FGF12: variants seen among roughly 807,000 people sequenced by gnomAD.
The protein encoded by FGF12 is fibroblast growth factor 12B.
Under a neutral mutation model 23.6 loss-of-function variants are expected in FGF12, and 14 were observed. The observed-to-expected ratio is 0.59, with a 90% confidence interval of 0.39 to 0.93. The LOEUF is 0.93. Ranked by LOEUF, FGF12 falls within the 40% of genes least tolerant of loss-of-function variation. The pLI is 0.00. For synonymous variants in FGF12, 62 were observed against 77.3 expected, an observed-to-expected ratio of 0.80 and a Z score of 1.04; for missense variants, 175 against 217.8, an observed-to-expected ratio of 0.80 and a Z score of 1.24.
At position 192,360,695 on chromosome 3, in the gene FGF12, CTT is replaced by C; in HGVS notation, c.14-159_14-158del. 1.9e-5 allele frequency: 10 copies of C among 539,342 alleles called. No homozygotes were observed. The highest frequency in any genetic ancestry group is 3.2e-5 in the Admixed American group (1 of 31,360). The allele number at this position is 539,342 out of a possible 1,614,324, so 33.4% of individuals were successfully genotyped here. The stretch of plus-strand genomic sequence containing the variant: ...TGGGTGTTTCAGTAACATATCTATG[CTT>C]TTTTTTTTCCATTTAGAGGTAGAGC... On this transcript the variant is annotated intron_variant, in intron 2 of 5. Coordinates refer to ENST00000445105, the MANE Select transcript of FGF12 (RefSeq NM_004113.6). This position sits in a 1 kb window ranked among gnomAD's most constrained non-coding sequence, Gnocchi z 4.3.
chr3:192,211,903 G>T (rs1166976753), intron 4 of FGF12, among the ~76,000 whole-genome samples: 1 of 152,076 alleles, frequency 6.6e-6, no homozygotes, highest in East Asian at 1.9e-4. Flanking sequence ...TATTTTAGAA[G>T]AAATAGGAAA....
At chr3:192,442,058 G>A (rs1461713513) in intron 2 of FGF12, among the ~76,000 whole-genome samples, 1 of 152,210 alleles carries the variant, frequency 6.6e-6, no homozygotes, top group African/African-American at 2.4e-5. Context: ...TTAGAGCATT[G>A]TTGAGTGAGA....
intron 2 of FGF12, among the ~76,000 whole-genome samples, chr3:192,609,338 G>A (rs1004713742): frequency 6.6e-5 from 10 of 152,040 alleles, no homozygotes; most frequent in African/African-American, 2.4e-4. Context: ...GCATTTGCAG[G>A]ACTGCTTCTC....
chr3:192,560,160 AT>A (rs1388602718), intron 2 of FGF12, among the ~76,000 whole-genome samples: 6 of 152,104 alleles, frequency 3.9e-5, no homozygotes, highest in Non-Finnish European at 8.8e-5. Context: ...AACAAGGCAC[AT>A]TAGATAATTT....
At chr3:192,193,768 T>G (rs934920737) in intron 4 of FGF12, among the ~76,000 whole-genome samples, 2 of 150,742 alleles carry the variant, frequency 1.3e-5, no homozygotes, top group African/African-American at 4.9e-5. Context: ...ACTGTCTTCT[T>G]TTTTTTTTAA....
chr3:192,200,398 A>C (rs1717304244), intron 4 of FGF12, among the ~76,000 whole-genome samples: 1 of 152,204 alleles, frequency 6.6e-6, no homozygotes, highest in South Asian at 2.1e-4. Context: ...ATAAAATGAG[A>C]ATGCCAATCA....
intron 2 of FGF12, among the ~76,000 whole-genome samples, chr3:192,658,964 G>A (rs1445022484): frequency 1.3e-5 from 2 of 152,144 alleles, no homozygotes; most frequent in African/African-American, 2.4e-5. Context: ...CATGGCCCCT[G>A]CCTTCCAGGG....
At chr3:192,711,554 T>C (rs1323569550) in intron 2 of FGF12, among the ~76,000 whole-genome samples, 1 of 152,196 alleles carries the variant, frequency 6.6e-6, no homozygotes, top group Non-Finnish European at 1.5e-5. Context: ...TTGCTGTGTC[T>C]GTGTAGAAAG....
At chr3:192,577,207 A>T (rs947029913) in intron 2 of FGF12, among the ~76,000 whole-genome samples, 78 of 152,210 alleles carry the variant, frequency 5.1e-4, no homozygotes, top group African/African-American at 1.8e-3. Context: ...AGTGTAATAA[A>T]AAATAAATAA....
intron 2 of FGF12, among the ~76,000 whole-genome samples, chr3:192,669,627 A>AG (rs1717035677): frequency 1.3e-5 from 2 of 150,928 alleles, no homozygotes; most frequent in South Asian, 2.1e-4. Context: ...AAAAAAAAAA[A>AG]AAAAAATTGG....
chr3:192,430,387 C>T (rs143622007), intron 2 of FGF12, among the ~76,000 whole-genome samples: 77 of 152,146 alleles, frequency 5.1e-4, no homozygotes, highest in African/African-American at 1.8e-3. Flanking sequence ...AATAGCTGTT[C>T]GGTGGGTATA....
chr3:192,419,557 T>C (rs148936651), intron 2 of FGF12, among the ~76,000 whole-genome samples: 2 of 152,204 alleles, frequency 1.3e-5, no homozygotes, highest in Non-Finnish European at 2.9e-5. Context: ...AGCAATACCA[T>C]GGGAAGTGGG....
chr3:192,501,444 T>G (rs929700672), intron 2 of FGF12, among the ~76,000 whole-genome samples: 16 of 152,368 alleles, frequency 1.1e-4, no homozygotes, highest in African/African-American at 3.8e-4. Context: ...TTCCTGTGCC[T>G]TCCCAATTCC....
chr3:192,601,971 C>T (rs897618669), intron 2 of FGF12, among the ~76,000 whole-genome samples: 31 of 152,082 alleles, frequency 2.0e-4, no homozygotes, highest in African/African-American at 7.2e-4. Context: ...ATGTAGCACC[C>T]ATGAATATGG....
At chr3:192,341,441 C>A (rs1196016994) in intron 3 of FGF12, among the ~76,000 whole-genome samples, 1 of 152,080 alleles carries the variant, frequency 6.6e-6, no homozygotes, top group Non-Finnish European at 1.5e-5. Context: ...TGCTATCAGG[C>A]AATTAATTAA....
In FGF12 at chr3:192,140,021, C is replaced by T. The variant is rs552267662; in HGVS notation, c.*3988G>A. 6 of 152,112 alleles carry T rather than the reference C, an allele frequency of 3.9e-5. No homozygotes were observed. The highest frequency in any genetic ancestry group is 7.4e-5 in the Non-Finnish European group (5 of 67,902). 9.4% of individuals were successfully genotyped at this position (152,112 alleles called of 1,614,324 possible). A position where few individuals can be genotyped will look rare whatever the true frequency, so the allele number is the denominator to read the frequency against. On this transcript the variant is annotated 3_prime_UTR_variant, in exon 6 of 6. Transcript: ENST00000445105. ...CACCAAAGTACTGAAGGAACACGTGCTTTGATTATTATTCCCACCTGTTTC... is the reference window on the plus strand; with the variant it reads ...CACCAAAGTACTGAAGGAACACGTGTTTTGATTATTATTCCCACCTGTTTC...
chr3:192,235,196 T>G (rs1478042347), intron 4 of FGF12, among the ~76,000 whole-genome samples: 1 of 152,166 alleles, frequency 6.6e-6, no homozygotes, highest in East Asian at 1.9e-4. Flanking sequence ...TTGTATGTTG[T>G]TTATTACTGA....
intron 2 of FGF12, among the ~76,000 whole-genome samples, chr3:192,630,368 G>A (rs1318143852): frequency 6.6e-6 from 1 of 151,792 alleles, no homozygotes; most frequent in East Asian, 1.9e-4. Context: ...CACAGCCCAT[G>A]GCCTGCTATT....
chr3:192,569,571 G>T (rs775774069), intron 2 of FGF12, among the ~76,000 whole-genome samples: 7 of 152,206 alleles, frequency 4.6e-5, no homozygotes, highest in Non-Finnish European at 1.0e-4. Context: ...GCCAGGGAAA[G>T]ATAATGTCCA....
Sources: allele counts gnomAD v4.1 joint callset (sites outside exome capture counted in the v4.1 genomes callset), GRCh38; gene constraint gnomAD v4.1.1; non-coding constraint Gnocchi (gnomAD v3.1); transcripts MANE v1.5; gene names NCBI Gene and HGNC (gene_info 2026-07-23, HGNC 2026-07-21).